Variants in PITPNB observed in about 807,000 individuals in gnomAD.
The protein encoded by PITPNB is phosphatidylinositol transfer protein beta isoform.
A neutral mutation model predicts 45.9 loss-of-function variants in PITPNB; 16 were observed. That is an observed-to-expected ratio of 0.35 (90% CI 0.24 to 0.53). The LOEUF is 0.53. Among genes scored for constraint, PITPNB ranks in the 20% least tolerant of loss-of-function variants. The pLI is 0.93. For synonymous variants in PITPNB, 112 were observed against 108.9 expected (o/e 1.03, Z -0.18); for missense variants, 188 against 330.5 (o/e 0.57, Z 3.34).
At chr22:27,909,924 C>T (rs1394403387) in intron 3 of PITPNB, among the ~76,000 whole-genome samples, 1 of 151,520 alleles carries the variant, frequency 6.6e-6, no homozygotes, top group African/African-American at 2.4e-5. Context: ...GGACCATAAG[C>T]GTACACCACC....
chr22:27,898,628 T>C (rs1406731206), intron 3 of PITPNB, among the ~76,000 whole-genome samples: 3 of 152,136 alleles, frequency 2.0e-5, no homozygotes, highest in African/African-American at 7.2e-5. Context: ...GAATACATTT[T>C]ATAGAACAGA....
At chr22:27,910,774 T>C (rs1320818065) in intron 3 of PITPNB, 190 bp downstream of exon 3, 1 of 494,406 alleles carries the variant, frequency 2.0e-6, no homozygotes, top group East Asian at 3.1e-5. Flanking sequence ...ATCTGAATTT[T>C]TGTTATAAGC....
chr22:27,873,103 A>C (rs923237439), intron 8 of PITPNB, among the ~76,000 whole-genome samples: 5 of 152,180 alleles, frequency 3.3e-5, no homozygotes, highest in Non-Finnish European at 7.3e-5. Context: ...CCCCGTCTCC[A>C]CTAAAAATAC....
chr22:27,870,521 C>T (rs1934625588), intron 8 of PITPNB, among the ~76,000 whole-genome samples: 1 of 152,226 alleles, frequency 6.6e-6, no homozygotes, highest in Admixed American at 6.5e-5. Flanking sequence ...GACTGTGGAA[C>T]TACCAGGCAG....
At chr22:27,853,934 A>AT (rs1934098828) in intron 11 of PITPNB, among the ~76,000 whole-genome samples, 10 of 111,420 alleles carry the variant, frequency 9.0e-5, no homozygotes, top group South Asian at 7.1e-4. Flanking sequence ...CAATAACTTA[A>AT]ATTTTTTTTT....
chr22:27,909,430 G>A (rs1195401458), intron 3 of PITPNB, among the ~76,000 whole-genome samples: 2 of 151,796 alleles, frequency 1.3e-5, no homozygotes, highest in South Asian at 4.2e-4. Flanking sequence ...TTAAGGGAAT[G>A]TGCAAAAAAA....
chr22:27,897,763 G>T, intron 4 of PITPNB, 38 bp downstream of exon 4: 1 of 1,269,302 alleles, frequency 7.9e-7, no homozygotes, highest in Non-Finnish European at 1.2e-6. Context: ...TCATTCTCAG[G>T]GTGGAGGGGT....
chr22:27,886,412 C>T (rs1935124108), intron 7 of PITPNB, among the ~76,000 whole-genome samples: 1 of 152,112 alleles, frequency 6.6e-6, no homozygotes, highest in African/African-American at 2.4e-5. Context: ...ACTCTGTGAC[C>T]CTAGGTCACA....
chr22:27,913,226 G>A (rs1935983065), intron 2 of PITPNB, among the ~76,000 whole-genome samples: 1 of 152,116 alleles, frequency 6.6e-6, no homozygotes, highest in Non-Finnish European at 1.5e-5. Context: ...GAATCCTCCT[G>A]AGATATAAAC....
At chr22:27,915,359 A>G (rs930960967) in intron 1 of PITPNB, among the ~76,000 whole-genome samples, 3 of 151,620 alleles carry the variant, frequency 2.0e-5, no homozygotes, top group African/African-American at 7.3e-5. Flanking sequence ...CATTTAGCTT[A>G]TTGTTTGTAT....
intron 7 of PITPNB, among the ~76,000 whole-genome samples, chr22:27,884,469 C>G (rs991572362): frequency 2.0e-5 from 3 of 152,202 alleles, no homozygotes; most frequent in Admixed American, 6.5e-5. Flanking sequence ...GGGAAGTTCC[C>G]TATCAATCAG....
chr22:27,875,484 T>A (rs1478815777), intron 7 of PITPNB, among the ~76,000 whole-genome samples: 1 of 152,230 alleles, frequency 6.6e-6, no homozygotes, highest in East Asian at 1.9e-4. Context: ...CACTTCTGAT[T>A]GACAAAAGAA....
intron 1 of PITPNB, among the ~76,000 whole-genome samples, chr22:27,918,534 G>A (rs1936155021): frequency 6.6e-6 from 1 of 152,224 alleles, no homozygotes; most frequent in Non-Finnish European, 1.5e-5. Flanking sequence ...TTCTAAGAAA[G>A]TAGGTGGGGC....
chr22:27,876,600 C>T (rs1399348834), intron 7 of PITPNB, among the ~76,000 whole-genome samples: 1 of 152,110 alleles, frequency 6.6e-6, no homozygotes, highest in Non-Finnish European at 1.5e-5. Flanking sequence ...TTTTAACAAC[C>T]TCAGTTTTGT....
At chr22:27,885,990 T>C (rs1389061203) in intron 7 of PITPNB, among the ~76,000 whole-genome samples, 2 of 152,174 alleles carry the variant, frequency 1.3e-5, no homozygotes, top group Non-Finnish European at 2.9e-5. Flanking sequence ...GGAAGACTTT[T>C]AGAAGTGATG....
At chr22:27,916,582 C>T (rs995120784) in intron 1 of PITPNB, among the ~76,000 whole-genome samples, 2 of 152,170 alleles carry the variant, frequency 1.3e-5, no homozygotes, top group Admixed American at 1.3e-4. Flanking sequence ...GGGCGGATCA[C>T]CTGAGGTCAT....
intron 7 of PITPNB, among the ~76,000 whole-genome samples, chr22:27,888,786 C>T (rs1935194619): frequency 6.6e-6 from 1 of 152,136 alleles, no homozygotes; most frequent in African/African-American, 2.4e-5. Flanking sequence ...AAAGGAGTCC[C>T]AGAAAGGAGG....
rs138375328 is a variant in PITPNB at position 27,865,949 on chromosome 22, T to A, written c.535-5708A>T. ...AAACCAAAATCTGAATTAAGATCTT[T>A]GACACATAACTCCAATCCAGCCCAA... On this transcript the variant is annotated intron_variant, in intron 8 of 11. Coordinates refer to ENST00000335272, the MANE Select transcript of PITPNB (RefSeq NM_012399.5). Among the ~76,000 whole-genome samples, 998 of 152,348 alleles carry A rather than the reference T, an allele frequency of 6.6e-3. 13 individuals carry two copies. Among genetic ancestry groups the A allele is most frequent in the African/African-American group, 0.023 (945 of 41,580 alleles).
chr22:27,902,019 C>T (rs557790964), intron 3 of PITPNB, among the ~76,000 whole-genome samples: 4 of 151,998 alleles, frequency 2.6e-5, no homozygotes, highest in Non-Finnish European at 5.9e-5. Flanking sequence ...TACGCAGGGA[C>T]GACTCCTACT....
Sources: allele counts gnomAD v4.1 joint callset (sites outside exome capture counted in the v4.1 genomes callset), GRCh38; gene constraint gnomAD v4.1.1; transcripts MANE v1.5; gene names NCBI Gene and HGNC (gene_info 2026-07-23, HGNC 2026-07-21).